VWA5B1: variants seen among roughly 807,000 people sequenced by gnomAD.
VWA5B1 encodes the protein von Willebrand factor A domain containing 5B1, also known as von Willebrand factor A domain-containing protein 5B1.
Under a neutral mutation model 118.2 loss-of-function variants are expected in VWA5B1, and 115 were observed. That is an observed-to-expected ratio of 0.97 (90% confidence interval 0.84 to 1.14). The LOEUF (loss-of-function observed/expected upper bound fraction) is 1.14, where lower values mean the gene tolerates loss of function less well. Among genes scored for constraint, VWA5B1 ranks in the 50% most tolerant of loss-of-function variants. The pLI, the probability that VWA5B1 is intolerant of heterozygous loss-of-function variation, is 0.00. For missense variants in VWA5B1, 1,596 were observed against 1,603.8 expected (o/e 1.00, Z 0.08); for synonymous variants, 682 against 658.4 (o/e 1.04, Z -0.55).
chr1:20,322,441 A>C (rs1251252719), intron 7 of VWA5B1, among the ~76,000 whole-genome samples: 1 of 152,212 alleles, frequency 6.6e-6, no homozygotes. Context: ...TCCTGGCCTC[A>C]GGGCCAGCTA....
intron 9 of VWA5B1, 25 bp from the exon 10 acceptor site, chr1:20,330,155 C>G: frequency 6.4e-7 from 1 of 1,551,562 alleles, no homozygotes; most frequent in Non-Finnish European, 8.7e-7. Flanking sequence ...TACGGTGACA[C>G]TGGGGACTGT....
Position 20,330,998 on chromosome 1 carries a change from C to A in VWA5B1, c.1572+15C>A. On this transcript the variant is annotated intron_variant, in intron 11 of 21. Transcript: ENST00000289815. ...TGCAACCCAAGGTAGGCAGCAGAACCCACGCAGTCCCTTCTGGTGCTGGAA... is the reference window on the plus strand; with the variant it reads ...TGCAACCCAAGGTAGGCAGCAGAACACACGCAGTCCCTTCTGGTGCTGGAA... 1.3e-6 allele frequency: 2 copies of A among 1,530,644 alleles called. No homozygotes were observed. Among genetic ancestry groups the A allele is most frequent in the Non-Finnish European group, 1.8e-6 (2 of 1,136,634 alleles). The allele number at this position is 1,530,644 out of a possible 1,614,324, so 94.8% of individuals were successfully genotyped here.
rs2090050835 is a variant in VWA5B1 at position 20,348,292 on chromosome 1, A to C, written c.2812A>C (p.Arg938=). The part of the protein sequence containing the change: ...LGSRALAQQW[R]GTSSGFGRPQ... ...CTCTCGGGCCCTGGCCCAACAGTGG[A>C]GGGGCACCTCTTCTGGCTTTGGAAG... Residue 938 remains arginine, a synonymous_variant, in exon 18 of 22, where the codon AGG becomes CGG. Transcript: ENST00000289815. 1.3e-6 allele frequency: 2 copies of C among 1,551,488 alleles called. No homozygotes were observed. The highest frequency in any genetic ancestry group is 2.4e-5 in the East Asian group (1 of 40,922).
chr1:20,331,176 G>A (rs917849659), intron 11 of VWA5B1, among the ~76,000 whole-genome samples, 193 bp downstream of exon 11: 3 of 152,156 alleles, frequency 2.0e-5, no homozygotes, highest in African/African-American at 4.8e-5. Flanking sequence ...ATGCCAGGAC[G>A]CTAGATCCCC....
intron 7 of VWA5B1, among the ~76,000 whole-genome samples, chr1:20,320,880 A>G (rs1295321232): frequency 1.3e-5 from 2 of 152,140 alleles, no homozygotes; most frequent in Admixed American, 1.3e-4. Flanking sequence ...GGGCTCTGTC[A>G]TCAAAAGAGC....
chr1:20,329,906 A>G (rs2089497096), intron 9 of VWA5B1, among the ~76,000 whole-genome samples: 1 of 152,176 alleles, frequency 6.6e-6, no homozygotes, highest in Admixed American at 6.5e-5. Flanking sequence ...TCAGGGGTTT[A>G]ATGTGTTCCA....
chr1:20,307,003 T>G (rs1165171322), intron 1 of VWA5B1, among the ~76,000 whole-genome samples: 1 of 152,100 alleles, frequency 6.6e-6, no homozygotes, highest in Non-Finnish European at 1.5e-5. Flanking sequence ...TCTTCTCCCC[T>G]GGCCCCTTTT....
intron 1 of VWA5B1, among the ~76,000 whole-genome samples, chr1:20,293,197 A>G (rs2088344103): frequency 6.6e-6 from 1 of 152,228 alleles, no homozygotes; most frequent in Non-Finnish European, 1.5e-5. Flanking sequence ...CTCACCTGGC[A>G]GCCCCTGGGC....
intron 1 of VWA5B1, among the ~76,000 whole-genome samples, chr1:20,302,657 G>A (rs1019597401): frequency 6.6e-6 from 1 of 152,172 alleles, no homozygotes; most frequent in Non-Finnish European, 1.5e-5. Context: ...ATGGACACAC[G>A]GCACATGGAT....
In VWA5B1 at chr1:20,314,466, G is replaced by A. The variant is rs745968446; in HGVS notation, c.437G>A (p.Ser146Asn). 9.0e-6 allele frequency: 14 copies of A among 1,551,788 alleles called. No individual in the cohort carries two copies. The highest frequency in any genetic ancestry group is 5.9e-5 in the South Asian group (5 of 84,046). Residue 146 changes from serine (S) to asparagine (N), a missense_variant, in exon 4 of 22, where the codon AGC becomes AAC. Coordinates refer to ENST00000289815, the MANE Select transcript of VWA5B1 (RefSeq NM_001039500.3). ...APMENVTIFI[S>N]TSSELPTLPS... ...ATGGAGAATGTCACCATCTTCATCA[G>A]CACCTCCTCGGAGCTCCCAACGCTG...
chr1:20,328,371 G>A (rs556749887), intron 9 of VWA5B1, among the ~76,000 whole-genome samples: 6 of 152,254 alleles, frequency 3.9e-5, no homozygotes, highest in African/African-American at 1.2e-4. Context: ...CTAAGGAAGC[G>A]GCTGATAAGG....
Position 20,354,473 on chromosome 1 carries a change from TG to T in VWA5B1, c.*213del. 3 of 608,540 alleles carry T rather than the reference TG, an allele frequency of 4.9e-6. No homozygotes were observed. The highest frequency in any genetic ancestry group is 4.2e-5 in the South Asian group (2 of 47,220). 37.7% of individuals were successfully genotyped at this position (608,540 alleles called of 1,614,324 possible). Reference sequence around the variant, plus strand: ...CTTTAGGCCAGTGCCTGCCCCCGTCTGGGCCTCAGTTTCCTCATCTATAAAA... The same window carrying T: ...CTTTAGGCCAGTGCCTGCCCCCGTCTGGCCTCAGTTTCCTCATCTATAAAA... On this transcript the variant is annotated 3_prime_UTR_variant, in exon 22 of 22. Coordinates refer to ENST00000289815, the MANE Select transcript of VWA5B1 (RefSeq NM_001039500.3).
chr1:20,310,598 C>G lies in VWA5B1; in HGVS notation c.-4C>G. On this transcript the variant is annotated 5_prime_UTR_variant, in exon 2 of 22. Coordinates refer to ENST00000289815, the MANE Select transcript of VWA5B1 (RefSeq NM_001039500.3). ...CAGGTTCTGAAGGCTGAGTAGCCAG[C>G]GGGATGCCCGGCTTGCTGAATTGGA... 1 of 1,529,822 alleles carries G rather than the reference C, an allele frequency of 6.5e-7. No individual in the cohort carries two copies. Among genetic ancestry groups the G allele is most frequent in the Non-Finnish European group, 8.8e-7 (1 of 1,137,362 alleles). The allele number at this position is 1,529,822 out of a possible 1,614,324, so 94.8% of individuals were successfully genotyped here.
At chr1:20,320,386 G>T (rs2089169564) in intron 7 of VWA5B1, among the ~76,000 whole-genome samples, 1 of 152,206 alleles carries the variant, frequency 6.6e-6, no homozygotes, top group South Asian at 2.1e-4. Flanking sequence ...GTGGGGAAGT[G>T]GACAGAGACC....
chr1:20,322,633 G>C (rs139630630), intron 7 of VWA5B1, among the ~76,000 whole-genome samples: 1 of 152,178 alleles, frequency 6.6e-6, no homozygotes, highest in Non-Finnish European at 1.5e-5. Context: ...AAAACTATTC[G>C]GTGTGAGAAG....
intron 7 of VWA5B1, 89 bp downstream of exon 7, chr1:20,319,595 T>A: frequency 6.6e-7 from 1 of 1,511,506 alleles, no homozygotes; most frequent in Admixed American, 2.0e-5. Flanking sequence ...GGTGGGGAGG[T>A]AACCTGCCCG....
chr1:20,321,719 A>G (rs2089224011), intron 7 of VWA5B1, among the ~76,000 whole-genome samples: 1 of 151,596 alleles, frequency 6.6e-6, no homozygotes, highest in South Asian at 2.1e-4. Context: ...GACCTGGCAG[A>G]AGACCAAGAG....
In VWA5B1 at chr1:20,359,259, G is replaced by A. The variant is rs1044105504; in HGVS notation, c.*4996G>A. Among the ~76,000 whole-genome samples, 19 of 152,242 alleles carry A rather than the reference G, an allele frequency of 1.2e-4. No homozygotes were observed. The highest frequency in any genetic ancestry group is 3.9e-4 in the African/African-American group (16 of 41,540). On this transcript the variant is annotated 3_prime_UTR_variant, in exon 22 of 22. Transcript: ENST00000289815. ...CTCAAGTGCCTATGGCATGCTACCC[G>A]TGCCCTTGCCTGCTCATCTGTAATG...
rs550678907 is a variant in VWA5B1, at chr1:20,291,693, G to A, written c.-27+605G>A. Among the ~76,000 whole-genome samples, 56 of 152,208 alleles carry A rather than the reference G, an allele frequency of 3.7e-4. No individual in the cohort carries two copies. The South Asian group carries it at 0.011, about 30-fold the overall frequency. ...GCCGGGCTCATGCCTGCTGCCCTTC[G>A]GATGCCCCGCAGCTTGTGACCATCC... On this transcript the variant is annotated intron_variant, in intron 1 of 21. Coordinates refer to ENST00000289815, the MANE Select transcript of VWA5B1 (RefSeq NM_001039500.3).
Sources: allele counts gnomAD v4.1 joint callset (sites outside exome capture counted in the v4.1 genomes callset), GRCh38; gene constraint gnomAD v4.1.1; transcripts MANE v1.5; gene names NCBI Gene and HGNC (gene_info 2026-07-23, HGNC 2026-07-21).